CACNA2D3: variants seen among roughly 807,000 people sequenced by gnomAD.
The protein encoded by CACNA2D3 is calcium voltage-gated channel auxiliary subunit alpha2delta 3, also known as voltage-dependent calcium channel subunit alpha-2/delta-3.
A neutral mutation model predicts 160.6 loss-of-function variants in CACNA2D3; 60 were observed. The ratio of observed to expected loss-of-function variants is 0.37; its 90% confidence interval spans 0.30 to 0.46. The LOEUF is 0.46. Ranked by LOEUF, CACNA2D3 falls within the 20% of genes least tolerant of loss-of-function variation. The pLI is 1.00. For missense variants in CACNA2D3, 1,205 were observed against 1,365.0 expected (o/e 0.88, Z 1.85); for synonymous variants, 558 against 492.9 (o/e 1.13, Z -1.75).
intron 13 of CACNA2D3, among the ~76,000 whole-genome samples, chr3:54,796,686 G>A (rs1289024077): frequency 6.6e-6 from 1 of 152,156 alleles, no homozygotes; most frequent in Non-Finnish European, 1.5e-5. Flanking sequence ...TCTCACAGAG[G>A]ACTGTCTGTC....
intron 2 of CACNA2D3, among the ~76,000 whole-genome samples, chr3:54,214,641 T>C (rs1210173614): frequency 1.3e-5 from 2 of 152,096 alleles, no homozygotes; most frequent in African/African-American, 4.8e-5. Flanking sequence ...TTTAAACAGC[T>C]CAGTTAGGTG....
chr3:54,210,504 A>G (rs1464775687), intron 2 of CACNA2D3, among the ~76,000 whole-genome samples: 2 of 152,042 alleles, frequency 1.3e-5, no homozygotes, highest in African/African-American at 4.8e-5. Context: ...ATGTTTAAAA[A>G]TCTGGGAGTA....
Position 54,147,920 on chromosome 3 carries a change from C to T in CACNA2D3, c.204+24326C>T, listed in dbSNP as rs530173271. On this transcript the variant is annotated intron_variant, in intron 2 of 37. Transcript: ENST00000474759. The stretch of plus-strand genomic sequence containing the variant: ...CTCCTGGGTTCAAGCAATTCTCCTG[C>T]CTCAGCCCCCCGAGGAGTTGGGACT... Among the ~76,000 whole-genome samples the T allele has an allele frequency of 4.6e-5, 7 of 152,338 alleles. No individual in the cohort carries two copies. The South Asian group carries it at 1.2e-3, about 27-fold the overall frequency.
intron 2 of CACNA2D3, among the ~76,000 whole-genome samples, chr3:54,209,313 A>G (rs73087910): frequency 0.047 from 7,189 of 152,238 alleles, 239 homozygotes; most frequent in East Asian, 0.16. Context: ...GAGTTTTTCA[A>G]TAAAGTCAGT....
rs185797239 is a variant in CACNA2D3, at chr3:54,426,368, G to A, written c.381+39594G>A. 3.3e-5 allele frequency among the ~76,000 whole-genome samples: 5 copies of A among 152,294 alleles called. No homozygotes were observed. The East Asian group carries it at 9.6e-4, about 29-fold the overall frequency. Reference sequence around the variant, plus strand: ...CGTCTTTGTTATAAACTGCACTTTAGAGATGTGTCATAATATTTGCCTTTC... The same window carrying A: ...CGTCTTTGTTATAAACTGCACTTTAAAGATGTGTCATAATATTTGCCTTTC... On this transcript the variant is annotated intron_variant, in intron 4 of 37. Coordinates refer to ENST00000474759, the MANE Select transcript of CACNA2D3 (RefSeq NM_018398.3).
chr3:54,838,662 T>A lies in CACNA2D3; in HGVS notation c.1551+14T>A, dbSNP rs755736013. On this transcript the variant is annotated intron_variant, in intron 16 of 37. Transcript: ENST00000474759. ...CCCAAATACAAGGTAATGAATGACC[T>A]AATCCCTGAAATCAAAGCAACAGAG... 1 of 1,581,052 alleles carries A rather than the reference T, an allele frequency of 6.3e-7. No homozygotes were observed. Among genetic ancestry groups the A allele is most frequent in the East Asian group, 2.2e-5 (1 of 44,740 alleles).
chr3:54,204,020 G>T (rs1024261878), intron 2 of CACNA2D3, among the ~76,000 whole-genome samples: 1 of 151,954 alleles, frequency 6.6e-6, no homozygotes, highest in Non-Finnish European at 1.5e-5. Flanking sequence ...GCCTGCTCCT[G>T]TATCCAAAAG....
Position 54,767,942 on chromosome 3 carries a change from G to A in CACNA2D3, c.1380+3591G>A, listed in dbSNP as rs118001635. On this transcript the variant is annotated intron_variant, in intron 13 of 37. Coordinates refer to ENST00000474759, the MANE Select transcript of CACNA2D3 (RefSeq NM_018398.3). ...AATCCCAAACAGATGAACCAGATAC[G>A]TAAGTCAGTGGGTGAGAAGAGTGCA... 8.4e-4 allele frequency among the ~76,000 whole-genome samples: 128 copies of A among 152,238 alleles called. 1 individual carries two copies. The East Asian group carries it at 0.011, about 13-fold the overall frequency.
chr3:54,865,492 C>G (rs1699380756), intron 17 of CACNA2D3, among the ~76,000 whole-genome samples: 1 of 152,196 alleles, frequency 6.6e-6, no homozygotes, highest in South Asian at 2.1e-4. Context: ...CCGGGGCCAC[C>G]TCCTCTGAGT....
At chr3:54,846,882 A>C (rs1197288245) in intron 17 of CACNA2D3, among the ~76,000 whole-genome samples, 3 of 152,202 alleles carry the variant, frequency 2.0e-5, no homozygotes, top group Non-Finnish European at 1.5e-5. Context: ...GATCCCTGGA[A>C]ATTTATTACA....
At chr3:54,167,781 G>A (rs987214562) in intron 2 of CACNA2D3, among the ~76,000 whole-genome samples, 1 of 152,190 alleles carries the variant, frequency 6.6e-6, no homozygotes. Context: ...AAGTCCATTT[G>A]GTTGTGACTG....
intron 9 of CACNA2D3, among the ~76,000 whole-genome samples, chr3:54,610,618 T>C (rs1698733079): frequency 6.6e-6 from 1 of 151,270 alleles, no homozygotes; most frequent in Non-Finnish European, 1.5e-5. Context: ...GGATCTTTTC[T>C]TCTTTCCTTT....
At chr3:54,849,825 C>G (rs1699016879) in intron 17 of CACNA2D3, among the ~76,000 whole-genome samples, 1 of 152,210 alleles carries the variant, frequency 6.6e-6, no homozygotes, top group Non-Finnish European at 1.5e-5. Flanking sequence ...CTCCATCTGC[C>G]ATGGACTTTG....
chr3:55,051,560 TTGTC>T (rs1162640654), intron 35 of CACNA2D3, among the ~76,000 whole-genome samples: 10 of 151,748 alleles, frequency 6.6e-5, no homozygotes, highest in Non-Finnish European at 1.3e-4. Flanking sequence ...GTCTTTTTGT[TTGTC>T]TGTGCCCTCC....
At chr3:54,794,343 T>C (rs2106654879) in intron 13 of CACNA2D3, among the ~76,000 whole-genome samples, 1 of 152,238 alleles carries the variant, frequency 6.6e-6, no homozygotes, top group East Asian at 1.9e-4. Flanking sequence ...TGCCCCCCTT[T>C]CACACTATAC....
intron 35 of CACNA2D3, among the ~76,000 whole-genome samples, chr3:55,027,757 T>C (rs1203698277): frequency 1.3e-5 from 2 of 152,186 alleles, no homozygotes; most frequent in Non-Finnish European, 2.9e-5. Context: ...CGCAGTAAGA[T>C]CTTTTTCATA....
intron 27 of CACNA2D3, among the ~76,000 whole-genome samples, chr3:54,961,606 G>T (rs1251814067): frequency 6.6e-6 from 1 of 152,132 alleles, no homozygotes; most frequent in Admixed American, 6.5e-5. Context: ...GTCCACATTT[G>T]CAATTGTCCA....
At position 54,868,280 on chromosome 3, in the gene CACNA2D3, A is replaced by G. The variant is rs547375172; in HGVS notation, c.1627-3259A>G. ...AAAAGACCCAAATGAAAAGTGTTTC[A>G]TACCCATTTTACGTACCTGGCTAAG... is the stretch of plus-strand genomic sequence containing the variant. On this transcript the variant is annotated intron_variant, in intron 17 of 37. Transcript: ENST00000474759. Among the ~76,000 whole-genome samples, 5 of 152,322 alleles carry G rather than the reference A, an allele frequency of 3.3e-5. No homozygotes were observed. The South Asian group carries it at 8.3e-4, about 25-fold the overall frequency.
At chr3:55,056,351 T>C (rs915910857) in intron 35 of CACNA2D3, among the ~76,000 whole-genome samples, 2 of 152,208 alleles carry the variant, frequency 1.3e-5, no homozygotes, top group African/African-American at 4.8e-5. Context: ...TTGTACACTT[T>C]TGGTGGGAAT....
Sources: gnomAD v4.1 joint callset for allele counts (sites outside exome capture counted in the v4.1 genomes callset) on GRCh38, gnomAD v4.1.1 for gene constraint, MANE v1.5 for transcripts, NCBI Gene and HGNC (gene_info 2026-07-23, HGNC 2026-07-21) for gene names.